The following RBPMS2 variants were observed in gnomAD, a reference collection of about 807,000 sequenced individuals.
The protein encoded by RBPMS2 is RNA binding protein, mRNA processing factor 2.
Under a neutral mutation model 25.7 loss-of-function variants are expected in RBPMS2, and 14 were observed. That is an observed-to-expected ratio of 0.55 (90% CI 0.36 to 0.85). The LOEUF (loss-of-function observed/expected upper bound fraction) is 0.85, where lower values mean the gene tolerates loss of function less well. RBPMS2 is among the 40% of genes least tolerant of loss of function. The pLI, the probability that RBPMS2 is intolerant of heterozygous loss-of-function variation, is 0.01. For missense variants in RBPMS2, 252 were observed against 283.4 expected, an observed-to-expected ratio of 0.89 and a Z score of 0.80; for synonymous variants, 127 against 115.6, an observed-to-expected ratio of 1.10 and a Z score of -0.63.
At chr15:64,766,051 C>A (rs1394734308) in intron 1 of RBPMS2, among the ~76,000 whole-genome samples, 1 of 152,092 alleles carries the variant, frequency 6.6e-6, no homozygotes, top group Non-Finnish European at 1.5e-5. Context: ...CCTGCCCCTA[C>A]CTGCACTAAA....
At chr15:64,753,010 C>T (rs934918240) in intron 1 of RBPMS2, among the ~76,000 whole-genome samples, 10 of 152,154 alleles carry the variant, frequency 6.6e-5, no homozygotes, top group African/African-American at 1.2e-4. Flanking sequence ...GCTATTTAAA[C>T]GCTGCTGGCA....
intron 3 of RBPMS2, among the ~76,000 whole-genome samples, chr15:64,749,988 G>T (rs74938796): frequency 0.03 from 4,547 of 151,676 alleles, 88 homozygotes; most frequent in South Asian, 0.078. Flanking sequence ...TGGCCTCCTT[G>T]TATTAAAAGC....
intron 4 of RBPMS2, 121 bp from the exon 5 acceptor site, chr15:64,749,271 G>A: frequency 7.3e-7 from 1 of 1,373,032 alleles, no homozygotes; most frequent in Admixed American, 1.8e-5. Flanking sequence ...CACGGTGGCT[G>A]AGGCAGAGGA....
intron 1 of RBPMS2, among the ~76,000 whole-genome samples, chr15:64,770,013 T>C (rs1368590077): frequency 6.6e-6 from 1 of 152,080 alleles, no homozygotes; most frequent in African/African-American, 2.4e-5. Context: ...ACCCCGTCTC[T>C]GCTAAAAATA....
At chr15:64,744,629 T>C (rs1303358522) in intron 6 of RBPMS2, among the ~76,000 whole-genome samples, 4 of 150,358 alleles carry the variant, frequency 2.7e-5, no homozygotes, top group Admixed American at 1.3e-4. Context: ...AGGATATCCA[T>C]TGTTGTATAG....
chr15:64,775,079 C>T (rs2083920555), intron 1 of RBPMS2, among the ~76,000 whole-genome samples, 154 bp downstream of exon 1: 1 of 150,780 alleles, frequency 6.6e-6, no homozygotes, highest in Non-Finnish European at 1.5e-5. Flanking sequence ...CCCGCGGACA[C>T]GGGCCGCTCC....
chr15:64,750,333 G>A lies in RBPMS2; in HGVS notation c.204+10C>T, dbSNP rs1395632238. On this transcript the variant is annotated intron_variant, in intron 3 of 7. Coordinates refer to ENST00000300069, the MANE Select transcript of RBPMS2 (RefSeq NM_194272.3). ...GGCTGGGAGGAAGAAAACCCTAGGAGAGAAATTACCTGTCTTGCAGTGAGC... is the reference window on the plus strand; with the variant it reads ...GGCTGGGAGGAAGAAAACCCTAGGAAAGAAATTACCTGTCTTGCAGTGAGC... The A allele has an allele frequency of 1.2e-6, 2 of 1,612,546 alleles. No homozygotes were observed. Among genetic ancestry groups the A allele is most frequent in the African/African-American group, 1.3e-5 (1 of 74,894 alleles).
chr15:64,774,727 C>G (rs922043449), intron 1 of RBPMS2, among the ~76,000 whole-genome samples: 16 of 122,958 alleles, frequency 1.3e-4, no homozygotes, highest in Admixed American at 3.9e-4. Flanking sequence ...TCGCAGGAAC[C>G]GAGGAGCCGG....
At chr15:64,764,850 G>A (rs2141074350) in intron 1 of RBPMS2, among the ~76,000 whole-genome samples, 1 of 150,904 alleles carries the variant, frequency 6.6e-6, no homozygotes, top group South Asian at 2.1e-4. Context: ...CCCGGGAGGT[G>A]GAGCTGGCAA....
chr15:64,765,413 C>CAA (rs1255711725), intron 1 of RBPMS2, among the ~76,000 whole-genome samples: 11 of 108,042 alleles, frequency 1.0e-4, no homozygotes, highest in African/African-American at 3.5e-4. Flanking sequence ...GACTCCGTCT[C>CAA]AAAAAAAAAA....
At chr15:64,742,905 C>T (rs932211255) in intron 6 of RBPMS2, among the ~76,000 whole-genome samples, 5 of 152,206 alleles carry the variant, frequency 3.3e-5, no homozygotes, top group South Asian at 2.1e-4. Context: ...TTCCTATCCC[C>T]GCCAAATTCT....
At chr15:64,772,680 G>A (rs745436633) in intron 1 of RBPMS2, among the ~76,000 whole-genome samples, 3 of 152,026 alleles carry the variant, frequency 2.0e-5, no homozygotes, top group Non-Finnish European at 2.9e-5. Context: ...ACCCCCACAG[G>A]TCTAACCTTG....
intron 6 of RBPMS2, among the ~76,000 whole-genome samples, chr15:64,747,973 T>C (rs1595785829): frequency 1.3e-5 from 2 of 148,900 alleles, no homozygotes; most frequent in East Asian, 2.0e-4. Flanking sequence ...TAAGGCAGAT[T>C]ATCTGATCAT....
At chr15:64,750,010 C>T (rs2083660571) in intron 3 of RBPMS2, among the ~76,000 whole-genome samples, 2 of 151,736 alleles carry the variant, frequency 1.3e-5, no homozygotes, top group South Asian at 2.1e-4. Context: ...AGAGCTCAAT[C>T]GTGCCATTGC....
At position 64,775,507 on chromosome 15, in the gene RBPMS2, A is replaced by T; in HGVS notation, c.-188T>A. The T allele has an allele frequency of 4.5e-5, 3 of 66,230 alleles. No individual in the cohort carries two copies. The highest frequency in any genetic ancestry group is 4.3e-4 in the East Asian group (1 of 2,346). The allele number at this position is 66,230 out of a possible 1,614,324, so 4.1% of individuals were successfully genotyped here. On this transcript the variant is annotated 5_prime_UTR_variant, in exon 1 of 8. Coordinates refer to ENST00000300069, the MANE Select transcript of RBPMS2 (RefSeq NM_194272.3). ...TCACATCAAGTTTGGCGGGTGCGGA[A>T]GGTGGGGAGGGGGTGCGGCGGGGGA... is the stretch of plus-strand genomic sequence containing the variant.
intron 1 of RBPMS2, among the ~76,000 whole-genome samples, chr15:64,761,672 A>T (rs2083788279): frequency 6.9e-6 from 1 of 145,466 alleles, no homozygotes; most frequent in Non-Finnish European, 1.5e-5. Context: ...AACTGGGACC[A>T]CAGGTGCACA....
intron 1 of RBPMS2, among the ~76,000 whole-genome samples, chr15:64,771,423 C>A (rs111858590): frequency 0.064 from 9,795 of 152,284 alleles, 331 homozygotes; most frequent in South Asian, 0.088. Context: ...TGGCTCACGT[C>A]TGTAATCTCA....
At chr15:64,749,579 C>G in intron 3 of RBPMS2, 86 bp from the exon 4 acceptor site, 1 of 1,231,122 alleles carries the variant, frequency 8.1e-7, no homozygotes, top group Non-Finnish European at 1.2e-6. Context: ...AGAGTATCAT[C>G]TATGTGGAAA....
intron 1 of RBPMS2, among the ~76,000 whole-genome samples, chr15:64,756,508 C>A (rs2141066505): frequency 6.7e-6 from 1 of 149,046 alleles, no homozygotes; most frequent in South Asian, 2.1e-4. Flanking sequence ...GAGAGCAAGA[C>A]CCTGTCTCAA....
Sources: gnomAD v4.1 joint callset for allele counts (sites outside exome capture counted in the v4.1 genomes callset) on GRCh38, gnomAD v4.1.1 for gene constraint, MANE v1.5 for transcripts, NCBI Gene and HGNC (gene_info 2026-07-23, HGNC 2026-07-21) for gene names.